Variants in AK9 observed in about 807,000 individuals in gnomAD.
AK9 encodes the protein adenylate kinase 9.
In AK9, 191 loss-of-function variants were observed where a neutral mutation model predicts 239.6. The ratio of observed to expected loss-of-function variants is 0.80; its 90% confidence interval spans 0.71 to 0.90. AK9 has a LOEUF of 0.90. AK9 is among the 40% of genes least tolerant of loss of function. The probability of loss-of-function intolerance (pLI) is 0.00; values close to 1 mark genes in which losing one functional copy is unlikely to be tolerated. For synonymous variants in AK9, 689 were observed against 721.0 expected, an observed-to-expected ratio of 0.96 and a Z score of 0.71; for missense variants, 1,995 against 2,214.7, an observed-to-expected ratio of 0.90 and a Z score of 1.99.
intron 21 of AK9, among the ~76,000 whole-genome samples, chr6:109,571,801 C>T (rs1787440755): frequency 1.3e-5 from 2 of 152,138 alleles, no homozygotes; most frequent in Admixed American, 1.3e-4. Context: ...TTTTTATTTT[C>T]AGGATCAGAT....
In AK9 at chr6:109,549,521, G is replaced by C. The variant is rs1326878238; in HGVS notation, c.2964+569C>G. ...TAATCCATCTGTGGGGTTTGTCTGT[G>C]TTTGTGTTTTGTTTTATTTTTATTT... On this transcript the variant is annotated intron_variant, in intron 25 of 40. Transcript: ENST00000424296. Among the ~76,000 whole-genome samples the C allele has an allele frequency of 2.6e-5, 4 of 152,058 alleles. No individual in the cohort carries two copies. In the East Asian group the frequency reaches 7.7e-4, roughly 29 times the overall value.
chr6:109,622,605 T>C (rs868211548), intron 12 of AK9, among the ~76,000 whole-genome samples: 3 of 146,926 alleles, frequency 2.0e-5, no homozygotes, highest in Middle Eastern at 4.2e-3. Flanking sequence ...TATGTATATA[T>C]GTGTATTATA....
intron 17 of AK9, among the ~76,000 whole-genome samples, chr6:109,597,881 AG>A (rs1791273792): frequency 6.6e-6 from 1 of 152,150 alleles, no homozygotes; most frequent in Non-Finnish European, 1.5e-5. Context: ...GGGCAACTTG[AG>A]AAACCCAGTG....
chr6:109,497,914 G>A lies in AK9; in HGVS notation c.5098C>T (p.Leu1700Phe), dbSNP rs1032667040. Residue 1700 changes from leucine to phenylalanine, a missense_variant, in exon 37 of 41, where the codon CTC becomes TTC. Leu to Phe is a conservative substitution (Grantham distance 22, BLOSUM62 0). Around this residue, in one of 5 missense-constraint regions of AK9, gnomAD observed 391 missense variants for 456.0 expected, o/e 0.86. Transcript: ENST00000424296. Reference protein sequence around the residue: ...LYVPPLAPHPLPSADMIPKRL... With the variant: ...LYVPPLAPHPFPSADMIPKRL... ...TTGGGGATCATGTCAGCAGATGGGA[G>A]TGGATGAGGTGCTAAGGGAGGCACG... 11 of 1,614,124 alleles carry A rather than the reference G, an allele frequency of 6.8e-6. No homozygotes were observed. The highest frequency in any genetic ancestry group is 9.3e-6 in the Non-Finnish European group (11 of 1,179,992).
At chr6:109,498,211 C>A (rs1777264179) in intron 36 of AK9, among the ~76,000 whole-genome samples, 1 of 152,204 alleles carries the variant, frequency 6.6e-6, no homozygotes, top group East Asian at 1.9e-4. Context: ...ACTTGTTGCG[C>A]TCCTACTACA....
At chr6:109,630,133 C>G (rs1211554849) in intron 12 of AK9, among the ~76,000 whole-genome samples, 1 of 151,770 alleles carries the variant, frequency 6.6e-6, no homozygotes, top group Non-Finnish European at 1.5e-5. Context: ...ATATAACATA[C>G]AAGATAATAG....
At chr6:109,652,994 T>C (rs554490616) in intron 8 of AK9, among the ~76,000 whole-genome samples, 2 of 152,270 alleles carry the variant, frequency 1.3e-5, no homozygotes, top group African/African-American at 2.4e-5. Flanking sequence ...TGGCATGATC[T>C]TGGCTCACTG....
At chr6:109,669,400 C>A (rs1801747330) in intron 5 of AK9, among the ~76,000 whole-genome samples, 1 of 151,948 alleles carries the variant, frequency 6.6e-6, no homozygotes, top group South Asian at 2.1e-4. Context: ...TGCCTGACTG[C>A]CCTGGCCAGA....
chr6:109,586,106 A>G (rs571820565), intron 17 of AK9, 34 bp from the exon 18 acceptor site: 1 of 1,504,454 alleles, frequency 6.6e-7, no homozygotes, highest in South Asian at 1.3e-5. Flanking sequence ...TTACTATCAT[A>G]GCTTGACAAG....
At chr6:109,610,238 G>T in intron 17 of AK9, 127 bp downstream of exon 17, 1 of 1,168,224 alleles carries the variant, frequency 8.6e-7, no homozygotes, top group African/African-American at 1.6e-5. Flanking sequence ...ACTACAAAAT[G>T]TACATGAATT....
chr6:109,686,782 A>G (rs1391726537), intron 1 of AK9, among the ~76,000 whole-genome samples: 1 of 152,228 alleles, frequency 6.6e-6, no homozygotes, highest in Non-Finnish European at 1.5e-5. Flanking sequence ...GTCATGGGAT[A>G]TCAAGTGACT....
chr6:109,652,889 C>T (rs1363305402), intron 8 of AK9, among the ~76,000 whole-genome samples: 1 of 152,006 alleles, frequency 6.6e-6, no homozygotes, highest in Non-Finnish European at 1.5e-5. Flanking sequence ...TTTGGTATAT[C>T]CTGATATATT....
chr6:109,614,801 T>G (rs1348543737), intron 13 of AK9, among the ~76,000 whole-genome samples: 1 of 152,180 alleles, frequency 6.6e-6, no homozygotes, highest in Non-Finnish European at 1.5e-5. Context: ...GTAATTTTTA[T>G]GTTAAAAAAA....
intron 5 of AK9, among the ~76,000 whole-genome samples, chr6:109,670,350 A>G (rs1440770776): frequency 6.6e-6 from 1 of 152,270 alleles, no homozygotes; most frequent in Admixed American, 6.5e-5. Context: ...TAAATGGAAC[A>G]TTATACAGAT....
At chr6:109,641,911 G>A (rs561644613) in intron 9 of AK9, among the ~76,000 whole-genome samples, 24 of 152,132 alleles carry the variant, frequency 1.6e-4, no homozygotes, top group Non-Finnish European at 2.8e-4. Flanking sequence ...CATAGGTATT[G>A]GACTTCAGGG....
intron 5 of AK9, among the ~76,000 whole-genome samples, chr6:109,664,108 A>AT (rs1186231902): frequency 4.6e-5 from 7 of 152,230 alleles, no homozygotes; most frequent in African/African-American, 1.7e-4. Context: ...TATGCAATTT[A>AT]TGTTAACAAG....
rs560916454 is a variant in AK9, at chr6:109,646,687, T to G, written c.760-1999A>C. On this transcript the variant is annotated intron_variant, in intron 8 of 40. Transcript: ENST00000424296. ...TCTTCAGGATATTATCCAGGAAAAC[T>G]TCCCCAACCTAGCAAGGCAGGCCAA... Among the ~76,000 whole-genome samples, 7 of 152,300 alleles carry G rather than the reference T, an allele frequency of 4.6e-5. No individual in the cohort carries two copies. The South Asian group carries it at 1.2e-3, about 27-fold the overall frequency.
chr6:109,637,800 T>G (rs9480985), intron 10 of AK9, among the ~76,000 whole-genome samples: 89,884 of 152,116 alleles, frequency 0.59, 28,026 homozygotes, highest in South Asian at 0.84. Context: ...AGAACTTGTA[T>G]ATTAATCAAC....
intron 33 of AK9, among the ~76,000 whole-genome samples, chr6:109,508,577 G>C (rs1186753228): frequency 1.3e-5 from 2 of 151,140 alleles, no homozygotes; most frequent in East Asian, 4.1e-4. Flanking sequence ...AGAAAACCTT[G>C]AGTAAATCAG....
Sources: gnomAD v4.1 joint callset for allele counts (sites outside exome capture counted in the v4.1 genomes callset) on GRCh38, gnomAD v4.1.1 for gene constraint, gnomAD v4.1.1 regional missense constraint, MANE v1.5 for transcripts, NCBI Gene and HGNC (gene_info 2026-07-23, HGNC 2026-07-21) for gene names.